The following TEC variants were observed in gnomAD, a reference collection of about 807,000 sequenced individuals.
TEC encodes the protein tyrosine-protein kinase Tec.
A neutral mutation model predicts 93.0 loss-of-function variants in TEC; 72 were observed. That is an observed-to-expected ratio of 0.77 (90% confidence interval 0.64 to 0.94). The LOEUF is 0.94. Among genes scored for constraint, TEC ranks in the 40% least tolerant of loss-of-function variants. The pLI is 0.00. For missense variants in TEC, 630 were observed against 757.9 expected (o/e 0.83, Z 1.98); for synonymous variants, 249 against 247.7 (o/e 1.01, Z -0.05).
At chr4:48,237,435 A>G (rs1384046659) in intron 1 of TEC, among the ~76,000 whole-genome samples, 2 of 152,130 alleles carry the variant, frequency 1.3e-5, no homozygotes, top group Admixed American at 1.3e-4. Flanking sequence ...AAGAGAACAG[A>G]GGTGCTAAAT....
chr4:48,268,125 CT>C (rs1724687171), intron 1 of TEC, among the ~76,000 whole-genome samples: 1 of 152,260 alleles, frequency 6.6e-6, no homozygotes, highest in South Asian at 2.1e-4. Flanking sequence ...AACATAGCTG[CT>C]GCCCTTGAGT....
intron 1 of TEC, among the ~76,000 whole-genome samples, chr4:48,269,463 G>A (rs1285980923): frequency 1.4e-4 from 19 of 132,330 alleles, no homozygotes; most frequent in Non-Finnish European, 8.7e-5. Flanking sequence ...AAAGGGGCGG[G>A]TGTTCCTTAG....
chr4:48,252,539 C>A (rs904575650), intron 1 of TEC, among the ~76,000 whole-genome samples: 18 of 152,178 alleles, frequency 1.2e-4, no homozygotes, highest in African/African-American at 4.1e-4. Context: ...TCACCAACTT[C>A]CCAGACCTGA....
chr4:48,166,016 A>T (rs2704399), intron 7 of TEC, among the ~76,000 whole-genome samples: 123,180 of 152,110 alleles, frequency 0.81, 49,999 homozygotes, highest in East Asian at 0.92. Flanking sequence ...ACCCCAGAAC[A>T]CCCTGCTCAT....
intron 2 of TEC, among the ~76,000 whole-genome samples, chr4:48,217,195 C>A (rs866698034): frequency 6.6e-5 from 10 of 152,084 alleles, no homozygotes; most frequent in African/African-American, 2.4e-4. Flanking sequence ...CCTCTGCCTC[C>A]CAGGTTCAAA....
In TEC at chr4:48,139,038, C is replaced by T. The variant is rs537017850; in HGVS notation, c.1536-16G>A. On this transcript the variant is annotated splice_polypyrimidine_tract_variant and intron_variant, in intron 15 of 17. Transcript: ENST00000381501. ...CAGAACATACCTAGAGTAAGACACA[C>T]CATGGGTTTACACCTCTGAAGAACA... is the stretch of plus-strand genomic sequence containing the variant. The T allele has an allele frequency of 6.3e-7, 1 of 1,594,730 alleles. No homozygotes were observed. The highest frequency in any genetic ancestry group is 1.7e-5 in the Admixed American group (1 of 59,904).
chr4:48,260,821 A>G (rs1489037389), intron 1 of TEC, among the ~76,000 whole-genome samples: 1 of 152,234 alleles, frequency 6.6e-6, no homozygotes, highest in Non-Finnish European at 1.5e-5. Context: ...TTTCTAGAAC[A>G]TTGCTAAAGA....
intron 3 of TEC, among the ~76,000 whole-genome samples, chr4:48,173,217 A>C (rs1721184958): frequency 6.6e-6 from 1 of 152,048 alleles, no homozygotes; most frequent in Admixed American, 6.6e-5. Flanking sequence ...AAGCAGTCTA[A>C]CTTCCCCACA....
At position 48,171,423 on chromosome 4, in the gene TEC, G is replaced by A. The variant is rs146497112; in HGVS notation, c.270C>T (p.Tyr90=). 201 of 1,613,490 alleles carry A rather than the reference G, an allele frequency of 1.2e-4. No individual in the cohort carries two copies. The highest frequency in any genetic ancestry group is 1.6e-4 in the Non-Finnish European group (187 of 1,179,836). Residue 90 remains tyrosine, a synonymous_variant, in exon 4 of 18, where the codon TAC becomes TAT. Transcript: ENST00000381501. ...FQVVHDANTL[Y]IFAPSPQSRD... Reference sequence around the variant, plus strand: ...TGCTTTGTGGACTAGGTGCAAAAATGTAAAGTGTGTTAGCATCATGAACAA... The same window carrying A: ...TGCTTTGTGGACTAGGTGCAAAAATATAAAGTGTGTTAGCATCATGAACAA...
chr4:48,265,509 A>ATG (rs1724617275), intron 1 of TEC, among the ~76,000 whole-genome samples: 1 of 100,148 alleles, frequency 1.0e-5, no homozygotes, highest in East Asian at 2.5e-4. Flanking sequence ...ATATATATAT[A>ATG]TATATATTTT....
At chr4:48,177,732 T>A (rs1187118687) in intron 2 of TEC, among the ~76,000 whole-genome samples, 72 of 152,170 alleles carry the variant, frequency 4.7e-4, no homozygotes, top group Admixed American at 4.7e-3. Context: ...ACAATCCCCA[T>A]GTGTTGAGGG....
chr4:48,207,442 C>A (rs1306468555), intron 2 of TEC, among the ~76,000 whole-genome samples: 1 of 152,030 alleles, frequency 6.6e-6, no homozygotes, highest in Non-Finnish European at 1.5e-5. Context: ...TTCTTCAAGA[C>A]GTCCTCAAGG....
At chr4:48,162,538 C>T (rs562460855) in intron 8 of TEC, among the ~76,000 whole-genome samples, 1 of 152,292 alleles carries the variant, frequency 6.6e-6, no homozygotes, top group Admixed American at 6.5e-5. Context: ...CCTTTTAGCA[C>T]CTTCCCTAAT....
At chr4:48,200,387 G>A (rs1280151958) in intron 2 of TEC, among the ~76,000 whole-genome samples, 1 of 152,148 alleles carries the variant, frequency 6.6e-6, no homozygotes, top group Non-Finnish European at 1.5e-5. Flanking sequence ...GATTAAAATT[G>A]GGATAATAAT....
At chr4:48,264,663 A>C (rs1329102688) in intron 1 of TEC, among the ~76,000 whole-genome samples, 1 of 149,608 alleles carries the variant, frequency 6.7e-6, no homozygotes, top group Admixed American at 6.7e-5. Context: ...TTTGAGACAG[A>C]GTCTCCCTGT....
intron 2 of TEC, among the ~76,000 whole-genome samples, chr4:48,188,865 G>T (rs1345627815): frequency 6.6e-6 from 1 of 151,802 alleles, no homozygotes; most frequent in African/African-American, 2.4e-5. Context: ...AACAAGGTGT[G>T]TGTGTGCATG....
At chr4:48,165,294 A>T (rs1479699094) in intron 7 of TEC, among the ~76,000 whole-genome samples, 4 of 152,224 alleles carry the variant, frequency 2.6e-5, no homozygotes, top group Non-Finnish European at 5.9e-5. Context: ...CTCAGTCATC[A>T]ACTCATTATT....
chr4:48,221,746 G>T (rs1411134340), intron 2 of TEC, among the ~76,000 whole-genome samples: 1 of 152,120 alleles, frequency 6.6e-6, no homozygotes, highest in Non-Finnish European at 1.5e-5. Context: ...CTCCCTAGAG[G>T]TTGGAGGGTA....
chr4:48,190,105 T>C (rs1722039524), intron 2 of TEC, among the ~76,000 whole-genome samples: 1 of 152,348 alleles, frequency 6.6e-6, no homozygotes, highest in South Asian at 2.1e-4. Flanking sequence ...AATACTTCAT[T>C]TGTCTTAAGT....
Sources: gnomAD v4.1 joint callset for allele counts (sites outside exome capture counted in the v4.1 genomes callset) on GRCh38, gnomAD v4.1.1 for gene constraint, MANE v1.5 for transcripts, NCBI Gene and HGNC (gene_info 2026-07-23, HGNC 2026-07-21) for gene names.